Variants in TRIM49C observed in about 807,000 individuals in gnomAD.
TRIM49C encodes the protein tripartite motif-containing protein 49C.
In TRIM49C, 6 loss-of-function variants were observed where a neutral mutation model predicts 21.4. The ratio of observed to expected loss-of-function variants is 0.28; its 90% CI spans 0.15 to 0.55. The LOEUF is 0.55. Ranked by LOEUF, TRIM49C falls within the 20% of genes least tolerant of loss-of-function variation. The probability of loss-of-function intolerance (pLI) is 0.94; values close to 1 mark genes in which losing one functional copy is unlikely to be tolerated. For synonymous variants in TRIM49C, 57 were observed against 148.1 expected (o/e 0.38, Z 4.47); for missense variants, 161 against 442.4 (o/e 0.36, Z 5.71).
At position 90,038,928 on chromosome 11, in the gene TRIM49C, G is replaced by GT. The variant is rs1406542813; in HGVS notation, c.761+222dup. Among the ~76,000 whole-genome samples, 199 of 135,336 alleles carry GT rather than the reference G, an allele frequency of 1.5e-3. 23 individuals carry two copies. The highest frequency in any genetic ancestry group is 3.5e-3 in the South Asian group (14 of 3,952). 88.8% of individuals were successfully genotyped at this position (135,336 alleles called of 152,430 possible). The stretch of plus-strand genomic sequence containing the variant: ...AACAAACAATTTGATTCCTGGTTTT[G>GT]TTTTTTTTTGAGACGCTGTCTGGCT... On this transcript the variant is annotated intron_variant, in intron 6 of 7. Coordinates refer to ENST00000448984, the MANE Select transcript of TRIM49C (RefSeq NM_001195234.1).
the TRIM49C span, among the ~76,000 whole-genome samples, chr11:90,054,114 TCTCTC>T: frequency 7.3e-6 from 1 of 136,238 alleles, no homozygotes; most frequent in Non-Finnish European, 1.6e-5. Flanking sequence ...TATTATTTAT[TCTCTC>T]CTCTATCTCA....
chr11:90,051,796 T>G, the TRIM49C span: 1 of 332,488 alleles, frequency 3.0e-6, no homozygotes, highest in Non-Finnish European at 5.4e-6. Context: ...CCCCGCGGCC[T>G]TGCCCTGCCC....
chr11:90,059,845 G>A, the TRIM49C span, among the ~76,000 whole-genome samples: 4 of 147,024 alleles, frequency 2.7e-5, no homozygotes, highest in Admixed American at 6.8e-5. Context: ...GGTCATTGAT[G>A]CTTTTAGGAG....
chr11:90,068,950 G>A, the TRIM49C span, among the ~76,000 whole-genome samples: 4 of 105,358 alleles, frequency 3.8e-5, no homozygotes, highest in East Asian at 2.6e-4. Context: ...ATTGCACCAC[G>A]CTTAAGCCTG....
the TRIM49C span, chr11:90,063,115 A>T: frequency 1.6e-6 from 1 of 637,458 alleles, no homozygotes; most frequent in Non-Finnish European, 2.6e-6. Context: ...GCTCTGTCCA[A>T]CATGTCGAAT....
the TRIM49C span, chr11:90,052,002 CTT>C: frequency 9.7e-7 from 1 of 1,035,328 alleles, no homozygotes; most frequent in African/African-American, 1.6e-5. Context: ...GCGCTGCCCT[CTT>C]GGGCTGGAAG....
the TRIM49C span, among the ~76,000 whole-genome samples, chr11:90,047,850 T>G: frequency 3.5e-5 from 4 of 114,556 alleles, 1 homozygote; most frequent in Admixed American, 1.0e-4. Flanking sequence ...GTTGATGCAG[T>G]TTCTTCCTAG....
Position 90,032,578 on chromosome 11 carries a change from CCA to C in TRIM49C, c.-8_-7del, listed in dbSNP as rs1335066742. ...CGTTGTGGGAACCATTAAAAGAACTCCAGGGTGAGTGAAACATATTGATAAAA... is the reference window on the plus strand; with the variant it reads ...CGTTGTGGGAACCATTAAAAGAACTCGGGTGAGTGAAACATATTGATAAAA... On this transcript the variant is annotated splice_region_variant and 5_prime_UTR_variant, in exon 2 of 8. Transcript: ENST00000448984. 5.4e-5 allele frequency: 7 copies of C among 130,548 alleles called. No homozygotes were observed. Among genetic ancestry groups the C allele is most frequent in the African/African-American group, 2.0e-4 (6 of 29,296 alleles). 8.1% of individuals were successfully genotyped at this position (130,548 alleles called of 1,614,324 possible). A position where few individuals can be genotyped will look rare whatever the true frequency, so the allele number is the denominator to read the frequency against.
At chr11:90,055,864 T>C in the TRIM49C span, among the ~76,000 whole-genome samples, 9 of 134,068 alleles carry the variant, frequency 6.7e-5, no homozygotes, top group Admixed American at 2.5e-4. Flanking sequence ...ATTTCAAATT[T>C]GTGGTCTTTG....
chr11:90,070,563 G>A, the TRIM49C span, among the ~76,000 whole-genome samples: 1 of 138,262 alleles, frequency 7.2e-6, no homozygotes, highest in African/African-American at 2.6e-5. Flanking sequence ...ATGTTCTCAT[G>A]TGTCTAACAT....
the TRIM49C span, chr11:90,071,178 T>C: frequency 2.0e-6 from 1 of 493,400 alleles, no homozygotes; most frequent in African/African-American, 2.0e-5. Context: ...GGTATGTTAA[T>C]GGCCATCAGT....
rs763930578 is a variant in TRIM49C at position 90,041,220 on chromosome 11, G to A, written c.1029G>A (p.Trp343Ter). 7 of 1,591,590 alleles carry A rather than the reference G, an allele frequency of 4.4e-6. No individual in the cohort carries two copies. In the East Asian group the frequency reaches 1.6e-4, roughly 36 times the overall value. ...VQTFTSGKYY[W>*]EVHVGDSWNW... ...CTTTCACCTCGGGCAAATATTACTGGGAGGTCCATGTAGGGGACTCCTGGA... is the reference window on the plus strand; with the variant it reads ...CTTTCACCTCGGGCAAATATTACTGAGAGGTCCATGTAGGGGACTCCTGGA... Residue 343 changes from tryptophan (W) to a stop codon, truncating the protein, a stop_gained, in exon 8 of 8, where the codon TGG becomes TGA. Transcript: ENST00000448984. LOFTEE classifies it low-confidence loss of function (END_TRUNC).
Position 90,041,598 on chromosome 11 carries a change from T to C in TRIM49C, c.*48T>C. ...TTCACATGCTGTGGGAACCCCTTTATCCCAGGAAGTCCTCTTCCTTGTGCC... is the reference window on the plus strand; with the variant it reads ...TTCACATGCTGTGGGAACCCCTTTACCCCAGGAAGTCCTCTTCCTTGTGCC... On this transcript the variant is annotated 3_prime_UTR_variant, in exon 8 of 8. Coordinates refer to ENST00000448984, the MANE Select transcript of TRIM49C (RefSeq NM_001195234.1). 4.1e-6 allele frequency: 4 copies of C among 979,144 alleles called. No individual in the cohort carries two copies. The East Asian group carries it at 1.1e-4, about 27-fold the overall frequency. The allele number at this position is 979,144 out of a possible 1,614,324, so 60.7% of individuals were successfully genotyped here. A position where few individuals can be genotyped will look rare whatever the true frequency, so the allele number is the denominator to read the frequency against.
chr11:90,043,832 G>T (rs608178), downstream of TRIM49C, among the ~76,000 whole-genome samples: 2 of 118,018 alleles, frequency 1.7e-5, 1 homozygote, highest in Admixed American at 1.9e-4. Context: ...CAAAGTGCAG[G>T]TTTGTTACAT....
At chr11:90,071,078 G>A in the TRIM49C span, 2 of 486,382 alleles carry the variant, frequency 4.1e-6, no homozygotes, top group South Asian at 3.1e-5. Flanking sequence ...TTACAGGTGT[G>A]AGCCACCTCA....
intron 7 of TRIM49C, 96 bp from the exon 8 acceptor site, chr11:90,040,955 T>G (rs1165325461): frequency 2.1e-6 from 3 of 1,451,520 alleles, no homozygotes; most frequent in Non-Finnish European, 2.7e-6. Context: ...TTTATGACTT[T>G]ACATTTGCTG....
chr11:90,073,230 A>T, the TRIM49C span: 1 of 919,076 alleles, frequency 1.1e-6, no homozygotes. Flanking sequence ...ATGTTTCCTC[A>T]CTATGTAGAG....
the TRIM49C span, chr11:90,053,807 A>C: frequency 7.1e-6 from 1 of 140,406 alleles, no homozygotes; most frequent in East Asian, 2.3e-4. Context: ...CCTGCTTCTC[A>C]CTACTGAGAC....
At chr11:90,063,702 CA>C in the TRIM49C span, among the ~76,000 whole-genome samples, 2 of 94,626 alleles carry the variant, frequency 2.1e-5, no homozygotes, top group Admixed American at 1.3e-4. Context: ...GACTCTGTCT[CA>C]AAAAAAAGTA....
Sources: allele counts gnomAD v4.1 joint callset (sites outside exome capture counted in the v4.1 genomes callset), GRCh38; gene constraint gnomAD v4.1.1; transcripts MANE v1.5; gene names NCBI Gene and HGNC (gene_info 2026-07-23, HGNC 2026-07-21).